Variants in RNF111 observed in about 807,000 individuals in gnomAD.
RNF111 encodes the protein E3 ubiquitin-protein ligase Arkadia.
A neutral mutation model predicts 95.1 loss-of-function variants in RNF111; 17 were observed. The ratio of observed to expected loss-of-function variants is 0.18; its 90% CI spans 0.12 to 0.27. The LOEUF is 0.27. Ranked by LOEUF, RNF111 falls within the 10% of genes least tolerant of loss-of-function variation. The pLI, the probability that RNF111 is intolerant of heterozygous loss-of-function variation, is 1.00. For missense variants in RNF111, 1,189 were observed against 1,210.4 expected (o/e 0.98, Z 0.26); for synonymous variants, 440 against 414.8 (o/e 1.06, Z -0.74).
chr15:59,033,748 A>G (rs554642043), intron 2 of RNF111, among the ~76,000 whole-genome samples: 51 of 152,312 alleles, frequency 3.3e-4, no homozygotes, highest in African/African-American at 1.2e-3. Context: ...TTCATTTAAA[A>G]ATCTTATTTA....
Position 59,031,650 on chromosome 15 carries a change from T to A in RNF111, c.828T>A (p.Asp276Glu). The A allele has an allele frequency of 6.2e-7, 1 of 1,614,126 alleles. No individual in the cohort carries two copies. Among genetic ancestry groups the A allele is most frequent in the East Asian group, 2.2e-5 (1 of 44,878 alleles). ...SSSSSTEGEE[D>E]LFVSASENHQ... The stretch of plus-strand genomic sequence containing the variant: ...GCTCATCAACTGAAGGAGAAGAAGA[T>A]TTGTTTGTTTCTGCCAGTGAAAACC... The change falls in exon 2 of 14, where the codon GAT becomes GAA. Residue 276 changes from aspartate (D) to glutamate (E), a missense_variant. Asp to Glu is a conservative substitution (Grantham distance 45). This residue lies in a region of RNF111 where 1,024 missense variants were observed against 925.9 expected (regional missense o/e 1.11). Coordinates refer to ENST00000348370, the MANE Select transcript of RNF111 (RefSeq NM_017610.8).
intron 1 of RNF111, among the ~76,000 whole-genome samples, chr15:59,027,468 C>A (rs1203914863): frequency 1.3e-5 from 2 of 151,956 alleles, no homozygotes; most frequent in African/African-American, 4.8e-5. Flanking sequence ...GAATAGCTGG[C>A]ACCACAATCA....
chr15:59,002,097 A>G (rs1251020055), intron 1 of RNF111, among the ~76,000 whole-genome samples: 1 of 152,094 alleles, frequency 6.6e-6, no homozygotes, highest in East Asian at 1.9e-4. Flanking sequence ...TGAGCTGTTT[A>G]TTTCTAGAGT....
chr15:59,093,261 C>A (rs551342540), intron 13 of RNF111: 1 of 327,020 alleles, frequency 3.1e-6, no homozygotes, highest in East Asian at 9.9e-5. Flanking sequence ...CTTTGGAGGT[C>A]CTAGAAAGTT....
At chr15:59,063,711 T>G (rs2042535416) in intron 5 of RNF111, among the ~76,000 whole-genome samples, 1 of 152,182 alleles carries the variant, frequency 6.6e-6, no homozygotes, top group South Asian at 2.1e-4. Context: ...TTCAAAATGC[T>G]CGAAGGCAAA....
intron 6 of RNF111, among the ~76,000 whole-genome samples, chr15:59,075,066 T>A (rs774226912): frequency 2.6e-5 from 4 of 152,194 alleles, no homozygotes; most frequent in Non-Finnish European, 5.9e-5. Flanking sequence ...AAAGCAATTA[T>A]AATAGTAACA....
chr15:59,004,055 C>T (rs961750499), intron 1 of RNF111: 28 of 540,248 alleles, frequency 5.2e-5, no homozygotes, highest in Middle Eastern at 3.6e-4. Flanking sequence ...TCCTCCTTGC[C>T]GTAGCTGAGT....
intron 1 of RNF111, among the ~76,000 whole-genome samples, chr15:59,023,521 G>A (rs1470137168): frequency 7.1e-6 from 1 of 140,510 alleles, no homozygotes; most frequent in Non-Finnish European, 1.6e-5. Flanking sequence ...GATTTTTGGA[G>A]TGTTATTTTT....
intron 13 of RNF111, among the ~76,000 whole-genome samples, chr15:59,093,919 T>C (rs1183451934): frequency 6.6e-6 from 1 of 152,164 alleles, no homozygotes; most frequent in African/African-American, 2.4e-5. Context: ...CAAGGAATAA[T>C]TGGGATACTT....
chr15:58,988,999 A>G (rs1383603773), intron 1 of RNF111, among the ~76,000 whole-genome samples: 8 of 152,238 alleles, frequency 5.3e-5, no homozygotes, highest in Admixed American at 5.2e-4. Context: ...CTTGAACTAA[A>G]AAGAACAAAC....
chr15:59,016,887 C>G (rs1335632930), intron 1 of RNF111, among the ~76,000 whole-genome samples: 2 of 151,992 alleles, frequency 1.3e-5, no homozygotes, highest in Non-Finnish European at 1.5e-5. Context: ...CAGCGGCATT[C>G]TTGTAGGAGC....
intron 7 of RNF111, among the ~76,000 whole-genome samples, chr15:59,077,677 T>C (rs1446714399): frequency 1.3e-5 from 2 of 152,142 alleles, no homozygotes; most frequent in Non-Finnish European, 2.9e-5. Flanking sequence ...GACATTAAAG[T>C]TGTTTATGGT....
intron 1 of RNF111, among the ~76,000 whole-genome samples, chr15:58,997,337 A>G (rs1384927249): frequency 6.6e-6 from 1 of 152,106 alleles, no homozygotes; most frequent in Non-Finnish European, 1.5e-5. Context: ...GGTTGAAACT[A>G]TTTCAGAATA....
chr15:59,011,781 A>G (rs1218276089), intron 1 of RNF111, among the ~76,000 whole-genome samples: 2 of 152,138 alleles, frequency 1.3e-5, no homozygotes, highest in African/African-American at 4.8e-5. Flanking sequence ...CTCTAAATAC[A>G]GACACATTTT....
intron 1 of RNF111, among the ~76,000 whole-genome samples, chr15:59,002,048 A>C (rs767236764): frequency 6.6e-6 from 1 of 152,228 alleles, no homozygotes; most frequent in Non-Finnish European, 1.5e-5. Flanking sequence ...GGTTAATGAC[A>C]TGGGCACTGT....
At chr15:58,996,640 C>T (rs1197429838) in intron 1 of RNF111, among the ~76,000 whole-genome samples, 1 of 113,902 alleles carries the variant, frequency 8.8e-6, no homozygotes, top group Non-Finnish European at 1.7e-5. Context: ...GAAAACTCAT[C>T]AGTACTTTCT....
At chr15:59,057,672 G>C (rs1243397383) in intron 4 of RNF111, among the ~76,000 whole-genome samples, 2 of 152,124 alleles carry the variant, frequency 1.3e-5, no homozygotes, top group Admixed American at 6.5e-5. Flanking sequence ...GCACTGATGA[G>C]TATTAATATT....
intron 6 of RNF111, among the ~76,000 whole-genome samples, chr15:59,067,989 A>G (rs1417818355): frequency 1.3e-5 from 2 of 152,238 alleles, no homozygotes; most frequent in African/African-American, 4.8e-5. Flanking sequence ...GCAAAATGTC[A>G]ACTAGTATTA....
intron 10 of RNF111, among the ~76,000 whole-genome samples, chr15:59,086,837 G>A (rs1280601379): frequency 6.6e-6 from 1 of 152,174 alleles, no homozygotes; most frequent in Non-Finnish European, 1.5e-5. Context: ...AAGGGGAAAT[G>A]TCCTGATCAA....
Sources: allele counts gnomAD v4.1 joint callset (sites outside exome capture counted in the v4.1 genomes callset), GRCh38; gene constraint gnomAD v4.1.1; regional missense constraint gnomAD v4.1.1; transcripts MANE v1.5; gene names NCBI Gene and HGNC (gene_info 2026-07-23, HGNC 2026-07-21).